The following L3MBTL3 variants were observed in gnomAD, a reference collection of about 807,000 sequenced individuals.
The protein encoded by L3MBTL3 is lethal(3)malignant brain tumor-like protein 3.
In L3MBTL3, 27 loss-of-function variants were observed where a neutral mutation model predicts 102.3. The observed-to-expected ratio is 0.26, with a 90% confidence interval of 0.19 to 0.36. The LOEUF (loss-of-function observed/expected upper bound fraction) is 0.36. L3MBTL3 is among the 10% of genes least tolerant of loss of function. The pLI, the probability that L3MBTL3 is intolerant of heterozygous loss-of-function variation, is 1.00. For synonymous variants in L3MBTL3, 340 were observed against 320.9 expected (o/e 1.06, Z -0.64); for missense variants, 798 against 955.3 (o/e 0.84, Z 2.17).
intron 1 of L3MBTL3, among the ~76,000 whole-genome samples, chr6:130,019,118 C>G (rs1308763300): frequency 7.9e-5 from 12 of 151,890 alleles, no homozygotes; most frequent in Non-Finnish European, 1.8e-4. Context: ...CTCAGGCTGG[C>G]GCGCAGGCGG....
At chr6:130,120,806 GTTGAGATGTAGTTCTGAACCA>G (rs1786108034) in intron 19 of L3MBTL3, 52 bp from the exon 20 acceptor site, 1 of 1,080,386 alleles carries the variant, frequency 9.3e-7, no homozygotes. Context: ...AAAAGCACTT[GTTGAGATGTAGTTCTGAACCA>G]TTTTTTTAAA....
intron 3 of L3MBTL3, among the ~76,000 whole-genome samples, chr6:130,045,211 C>A (rs1255285905): frequency 6.6e-6 from 1 of 152,066 alleles, no homozygotes; most frequent in African/African-American, 2.4e-5. Context: ...GTGGTCTGGC[C>A]TCTGCTTTCC....
intron 20 of L3MBTL3, among the ~76,000 whole-genome samples, chr6:130,123,321 A>G (rs540132165): frequency 4.3e-4 from 66 of 152,036 alleles, no homozygotes; most frequent in Admixed American, 1.6e-3. Context: ...GCTAGGAGTC[A>G]TATATAATTC....
intron 20 of L3MBTL3, among the ~76,000 whole-genome samples, chr6:130,130,394 A>G (rs1786925663): frequency 6.6e-6 from 1 of 152,238 alleles, no homozygotes; most frequent in Non-Finnish European, 1.5e-5. Context: ...GCATGCACTC[A>G]GGATACAAAT....
At chr6:130,082,501 A>G (rs1783428026) in intron 14 of L3MBTL3, among the ~76,000 whole-genome samples, 1 of 152,174 alleles carries the variant, frequency 6.6e-6, no homozygotes, top group Non-Finnish European at 1.5e-5. Flanking sequence ...ATATATCTTC[A>G]TATTCAGATT....
chr6:130,062,321 G>T (rs1781945835), intron 10 of L3MBTL3, among the ~76,000 whole-genome samples: 1 of 151,714 alleles, frequency 6.6e-6, no homozygotes, highest in African/African-American at 2.4e-5. Context: ...TGTTTTCTCT[G>T]TGTATAAAAA....
At chr6:130,089,653 C>T (rs961223453) in intron 16 of L3MBTL3, among the ~76,000 whole-genome samples, 5 of 152,156 alleles carry the variant, frequency 3.3e-5, no homozygotes, top group Admixed American at 3.3e-4. Flanking sequence ...CTGTCTTCCA[C>T]AATGGTTGAA....
At chr6:130,058,229 CTATAT>C (rs1183892186) in intron 9 of L3MBTL3, among the ~76,000 whole-genome samples, 5 of 150,274 alleles carry the variant, frequency 3.3e-5, no homozygotes, top group Non-Finnish European at 7.4e-5. Context: ...AAATGGGTCA[CTATAT>C]TATATTAGCT....
chr6:130,129,574 C>T (rs1428587329), intron 20 of L3MBTL3, among the ~76,000 whole-genome samples: 11 of 152,116 alleles, frequency 7.2e-5, no homozygotes, highest in Non-Finnish European at 1.3e-4. Flanking sequence ...AGCACACAAC[C>T]CGAAACCAAG....
intron 10 of L3MBTL3, among the ~76,000 whole-genome samples, chr6:130,062,759 C>T (rs1354584656): frequency 4.6e-5 from 7 of 150,568 alleles, no homozygotes; most frequent in African/African-American, 1.5e-4. Flanking sequence ...CATTTAACTG[C>T]TCTCATATTG....
At position 130,071,239 on chromosome 6, in the gene L3MBTL3, A is replaced by G. The variant is rs1029047461; in HGVS notation, c.1244+112A>G. On this transcript the variant is annotated intron_variant, in intron 13 of 22. Coordinates refer to ENST00000361794, the MANE Select transcript of L3MBTL3 (RefSeq NM_032438.4). ...ACAAAAAAAAGCAGTGTTCTGCCCC[A>G]CTTTTTCCTGTTACAGATTTTTAAT... 1.3e-5 allele frequency: 12 copies of G among 908,384 alleles called. No homozygotes were observed. In the African/African-American group the frequency reaches 1.7e-4, roughly 13 times the overall value. 56.3% of individuals were successfully genotyped at this position (908,384 alleles called of 1,614,324 possible). A position where few individuals can be genotyped will look rare whatever the true frequency, so the allele number is the denominator to read the frequency against.
At chr6:130,022,093 C>A (rs1013449351) in intron 1 of L3MBTL3, 134 bp from the exon 2 acceptor site, 2 of 152,148 alleles carry the variant, frequency 1.3e-5, no homozygotes, top group Non-Finnish European at 2.9e-5. Flanking sequence ...TTTTAATTTA[C>A]CGAGTGGCAT....
Position 130,140,815 on chromosome 6 carries a change from A to G in L3MBTL3, c.*1062A>G, listed in dbSNP as rs1308754987. On this transcript the variant is annotated 3_prime_UTR_variant, in exon 23 of 23. Transcript: ENST00000361794. Reference sequence around the variant, plus strand: ...GAGCGAGTATTGTGATTTTGCTGAAAAGACAAGGTGTGAAGGAGCAACTTC... The same window carrying G: ...GAGCGAGTATTGTGATTTTGCTGAAGAGACAAGGTGTGAAGGAGCAACTTC... 2.0e-5 allele frequency: 3 copies of G among 152,444 alleles called. 1 individual carries two copies. The highest frequency in any genetic ancestry group is 2.9e-5 in the Non-Finnish European group (2 of 68,052). 9.4% of individuals were successfully genotyped at this position (152,444 alleles called of 1,614,324 possible). A position where few individuals can be genotyped will look rare whatever the true frequency, so the allele number is the denominator to read the frequency against.
intron 6 of L3MBTL3, among the ~76,000 whole-genome samples, chr6:130,052,443 A>T (rs1781167042): frequency 6.6e-6 from 1 of 152,156 alleles, no homozygotes. Flanking sequence ...GATGTTTCAC[A>T]ATGTTACACT....
In L3MBTL3 at chr6:130,078,585, T is replaced by C; in HGVS notation, c.1272T>C (p.His424=). ...YWCEASSPHI[H]PVGWCKEHRR... ...GTGAAGCATCAAGTCCACATATTCA[T>C]CCAGTTGGTTGGTGTAAGGAACATA... The change falls in exon 14 of 23, where the codon CAT becomes CAC. Residue 424 remains histidine (H), a synonymous_variant. Transcript: ENST00000361794. 1 of 1,612,432 alleles carries C rather than the reference T, an allele frequency of 6.2e-7. No homozygotes were observed.
chr6:130,099,755 A>C (rs760404994), intron 18 of L3MBTL3, among the ~76,000 whole-genome samples: 2 of 152,230 alleles, frequency 1.3e-5, no homozygotes, highest in Non-Finnish European at 2.9e-5. Flanking sequence ...GATTATTTAC[A>C]AAGCTCTGTG....
intron 5 of L3MBTL3, among the ~76,000 whole-genome samples, chr6:130,050,690 A>G (rs1297044327): frequency 6.6e-6 from 1 of 152,162 alleles, no homozygotes; most frequent in Non-Finnish European, 1.5e-5. Context: ...GTCTAGAATA[A>G]ATTGGTGCCT....
At chr6:130,040,201 G>A (rs1004383635) in intron 2 of L3MBTL3, among the ~76,000 whole-genome samples, 2 of 151,762 alleles carry the variant, frequency 1.3e-5, no homozygotes, top group African/African-American at 2.4e-5. Flanking sequence ...GGTGGTGGGC[G>A]CCTATAATCC....
At chr6:130,067,055 A>G (rs553581648) in intron 11 of L3MBTL3, among the ~76,000 whole-genome samples, 2 of 152,230 alleles carry the variant, frequency 1.3e-5, no homozygotes, top group South Asian at 4.1e-4. Flanking sequence ...TTCCTATTTC[A>G]TGTTTATATC....
Sources: allele counts gnomAD v4.1 joint callset (sites outside exome capture counted in the v4.1 genomes callset), GRCh38; gene constraint gnomAD v4.1.1; transcripts MANE v1.5; gene names NCBI Gene and HGNC (gene_info 2026-07-23, HGNC 2026-07-21).